PRKCE: variants seen among roughly 807,000 people sequenced by gnomAD.
PRKCE encodes protein kinase C epsilon type.
A neutral mutation model predicts 85.4 loss-of-function variants in PRKCE; 16 were observed. That is an observed-to-expected ratio of 0.19 (90% CI 0.13 to 0.28). PRKCE has a LOEUF of 0.28. Among genes scored for constraint, PRKCE ranks in the 10% least tolerant of loss-of-function variants. The pLI is 1.00. For synonymous variants in PRKCE, 388 were observed against 371.5 expected (o/e 1.04, Z -0.51); for missense variants, 573 against 975.2 (o/e 0.59, Z 5.49).
chr2:45,835,487 T>C (rs1347193839), intron 1 of PRKCE, among the ~76,000 whole-genome samples: 1 of 152,214 alleles, frequency 6.6e-6, no homozygotes, highest in East Asian at 1.9e-4. Context: ...TGTAGGTTTG[T>C]TTTGCCCGTT....
At chr2:46,086,495 C>T in intron 11 of PRKCE, 133 bp downstream of exon 11, 1 of 1,115,920 alleles carries the variant, frequency 9.0e-7, no homozygotes, top group East Asian at 2.6e-5. Context: ...TTCCAATTTG[C>T]TTACAGAAGA....
At chr2:46,009,057 A>G (rs1705441099) in intron 9 of PRKCE, among the ~76,000 whole-genome samples, 1 of 152,248 alleles carries the variant, frequency 6.6e-6, no homozygotes, top group Non-Finnish European at 1.5e-5. Flanking sequence ...TACTTATTTA[A>G]GAAGAGAAAG....
At chr2:45,732,150 T>C (rs1681634354) in intron 1 of PRKCE, among the ~76,000 whole-genome samples, 1 of 152,134 alleles carries the variant, frequency 6.6e-6, no homozygotes, top group South Asian at 2.1e-4. Context: ...TGAGAGCTTT[T>C]TTTTGGAACA....
At chr2:45,654,905 C>T (rs1675308814) in intron 1 of PRKCE, among the ~76,000 whole-genome samples, 2 of 152,102 alleles carry the variant, frequency 1.3e-5, no homozygotes. Context: ...AGGGTAAACC[C>T]ATGGTTTCAT....
chr2:45,957,026 A>T (rs1423952691), intron 2 of PRKCE, among the ~76,000 whole-genome samples: 2 of 142,620 alleles, frequency 1.4e-5, no homozygotes, highest in Non-Finnish European at 3.1e-5. Flanking sequence ...AGTTCTTTAC[A>T]TATTCTACAT....
rs1667165973 is a variant in PRKCE, at chr2:46,061,859, C to CTTTTTCTT, written c.1438-24344_1438-24343insCTTTTTTT. ...TTTTCTTTTCTTTTCTTTTCTTTTT[C>CTTTTTCTT]TTTTTTTTTTTTTTTTTTGCAACAG... On this transcript the variant is annotated intron_variant, in intron 10 of 14. Transcript: ENST00000306156. Among the ~76,000 whole-genome samples, 17 of 107,750 alleles carry CTTTTTCTT rather than the reference C, an allele frequency of 1.6e-4. 2 individuals are homozygous for CTTTTTCTT. The highest frequency in any genetic ancestry group is 5.6e-4 in the African/African-American group (14 of 25,194). The allele number at this position is 107,750 out of a possible 152,430, so 70.7% of individuals were successfully genotyped here.
intron 1 of PRKCE, among the ~76,000 whole-genome samples, chr2:45,720,069 GA>G (rs1680485398): frequency 6.6e-6 from 1 of 152,162 alleles, no homozygotes; most frequent in Non-Finnish European, 1.5e-5. Flanking sequence ...AAGTCACACA[GA>G]AACAGCATTC....
rs1469296341 is a variant in PRKCE at position 45,907,641 on chromosome 2, G to C, written c.412+64578G>C. 1.3e-5 allele frequency among the ~76,000 whole-genome samples: 2 copies of C among 152,174 alleles called. No individual in the cohort carries two copies. Among genetic ancestry groups the C allele is most frequent in the Non-Finnish European group, 2.9e-5 (2 of 68,030 alleles). ...CATCGTGGTCCGCATTCTATGGACT[G>C]TTCTGTCCAGGGAGAAGGAGCATGA... is the stretch of plus-strand genomic sequence containing the variant. On this transcript the variant is annotated intron_variant, in intron 2 of 14. Transcript: ENST00000306156. This position sits in a 1 kb window ranked among gnomAD's most constrained non-coding sequence, Gnocchi z 4.5.
At chr2:45,794,660 C>G (rs567242188) in intron 1 of PRKCE, among the ~76,000 whole-genome samples, 1 of 152,308 alleles carries the variant, frequency 6.6e-6, no homozygotes, top group East Asian at 1.9e-4. Flanking sequence ...TCTCTGACCA[C>G]TCACTGCTTT....
chr2:45,974,419 A>T (rs1217710362), intron 2 of PRKCE, among the ~76,000 whole-genome samples: 2 of 152,144 alleles, frequency 1.3e-5, no homozygotes, highest in Non-Finnish European at 2.9e-5. Context: ...GCACCAATTG[A>T]AACCCAGGTG....
chr2:46,184,777 C>T lies in PRKCE; in HGVS notation c.2110C>T (p.Arg704Trp), dbSNP rs1250265961. 4.4e-6 allele frequency: 7 copies of T among 1,599,696 alleles called. No individual in the cohort carries two copies. Among genetic ancestry groups the T allele is most frequent in the East Asian group, 2.2e-5 (1 of 44,874 alleles). ...DVNNFDQDFT[R>W]EEPVLTLVDE... ...CAATAATTTTGACCAAGACTTTACC[C>T]GGGAAGAGCCGGTACTCACCCTTGT... is the stretch of plus-strand genomic sequence containing the variant. Residue 704 changes from arginine (R) to tryptophan (W), a missense_variant, in exon 15 of 15, where the codon CGG (arginine) becomes TGG (tryptophan). Arg to Trp is a moderately radical substitution (Grantham distance 101). This residue lies in a region of PRKCE where 72 missense variants were observed against 166.0 expected (regional missense o/e 0.43). Transcript: ENST00000306156. The surrounding 1 kb of genome is among the most constrained non-coding windows in gnomAD (Gnocchi z 5.0).
intron 1 of PRKCE, among the ~76,000 whole-genome samples, chr2:45,738,608 C>T (rs1226200580): frequency 6.6e-6 from 1 of 152,288 alleles, no homozygotes; most frequent in Middle Eastern, 3.4e-3. Context: ...TAGCCTTGTA[C>T]GTTGTTCTCA....
intron 1 of PRKCE, among the ~76,000 whole-genome samples, chr2:45,768,743 T>C (rs1339507484): frequency 6.6e-6 from 1 of 152,214 alleles, no homozygotes; most frequent in African/African-American, 2.4e-5. Context: ...TACTACTGAT[T>C]TTCTCTCCCT....
intron 1 of PRKCE, among the ~76,000 whole-genome samples, chr2:45,709,100 C>A (rs960499520): frequency 3.4e-4 from 52 of 152,332 alleles, no homozygotes; most frequent in African/African-American, 1.2e-3. Context: ...AACTTACTGG[C>A]GCTGCTGCTC....
chr2:46,100,259 G>A (rs61067076), intron 11 of PRKCE, among the ~76,000 whole-genome samples: 6,933 of 152,166 alleles, frequency 0.046, 553 homozygotes, highest in African/African-American at 0.16. Context: ...GTCATTCCTC[G>A]GAAGGTGAGA....
In PRKCE at chr2:45,793,371, G is replaced by A. The variant is rs182171116; in HGVS notation, c.349-49629G>A. ...TGTTCCATGTTTGGTTAGACACTTC[G>A]GGGGAGGGAGGCAAGCTGAGAGGGG... On this transcript the variant is annotated intron_variant, in intron 1 of 14. Transcript: ENST00000306156. 4.2e-3 allele frequency among the ~76,000 whole-genome samples: 636 copies of A among 152,210 alleles called. 2 individuals are homozygous for A. The highest frequency in any genetic ancestry group is 6.1e-3 in the Non-Finnish European group (414 of 68,026).
intron 2 of PRKCE, among the ~76,000 whole-genome samples, chr2:45,855,644 T>G (rs1692613187): frequency 6.6e-6 from 1 of 152,218 alleles, no homozygotes; most frequent in Non-Finnish European, 1.5e-5. Context: ...GGAAACATCC[T>G]TTCATCGTGC....
chr2:45,824,326 T>C (rs967876592), intron 1 of PRKCE, among the ~76,000 whole-genome samples: 1 of 152,240 alleles, frequency 6.6e-6, no homozygotes, highest in Non-Finnish European at 1.5e-5. Context: ...AACTCCTTTC[T>C]TTCCAAAGCC....
chr2:46,156,583 C>T (rs567005427), intron 13 of PRKCE, among the ~76,000 whole-genome samples: 39 of 152,322 alleles, frequency 2.6e-4, no homozygotes, highest in African/African-American at 8.7e-4. Flanking sequence ...AGGCATTCAG[C>T]GAGACTGTCT....
Sources: allele counts gnomAD v4.1 joint callset (sites outside exome capture counted in the v4.1 genomes callset), GRCh38; gene constraint gnomAD v4.1.1; regional missense constraint gnomAD v4.1.1; non-coding constraint Gnocchi (gnomAD v3.1); transcripts MANE v1.5; gene names NCBI Gene and HGNC (gene_info 2026-07-23, HGNC 2026-07-21).